The following ANKS1B variants were observed in gnomAD, a reference collection of about 807,000 sequenced individuals.
ANKS1B encodes ankyrin repeat and sterile alpha motif domain containing 1B, also known as ankyrin repeat and sterile alpha motif domain-containing protein 1B.
A neutral mutation model predicts 148.3 loss-of-function variants in ANKS1B; 36 were observed. The observed-to-expected ratio is 0.24, with a 90% CI of 0.19 to 0.32. The LOEUF is 0.32. Ranked by LOEUF, ANKS1B falls within the 10% of genes least tolerant of loss-of-function variation. The pLI, the probability that ANKS1B is intolerant of heterozygous loss-of-function variation, is 1.00. For missense variants in ANKS1B, 1,157 were observed against 1,542.6 expected, an observed-to-expected ratio of 0.75 and a Z score of 4.19; for synonymous variants, 542 against 560.8, an observed-to-expected ratio of 0.97 and a Z score of 0.47.
intron 8 of ANKS1B, among the ~76,000 whole-genome samples, chr12:99,699,291 T>C (rs2054433020): frequency 6.6e-6 from 1 of 152,190 alleles, no homozygotes; most frequent in African/African-American, 2.4e-5. Context: ...GTTTTTTCTT[T>C]CTAAAATTGT....
intron 8 of ANKS1B, among the ~76,000 whole-genome samples, chr12:99,762,484 C>G (rs1449776622): frequency 6.6e-6 from 1 of 151,482 alleles, no homozygotes; most frequent in African/African-American, 2.4e-5. Context: ...TAGCCATACG[C>G]AGAATGAAAC....
intron 1 of ANKS1B, among the ~76,000 whole-genome samples, chr12:99,898,045 C>CACAAT (rs1197875148): frequency 2.0e-5 from 3 of 152,010 alleles, no homozygotes; most frequent in African/African-American, 7.2e-5. Context: ...TATTAAATAG[C>CACAAT]AACACATATA....
chr12:99,316,671 T>C (rs867649623), intron 12 of ANKS1B, among the ~76,000 whole-genome samples: 8 of 152,184 alleles, frequency 5.3e-5, no homozygotes, highest in African/African-American at 1.4e-4. Flanking sequence ...CTCTTTAGTT[T>C]AATTAGATCC....
At chr12:99,400,793 A>T (rs1034353825) in intron 11 of ANKS1B, among the ~76,000 whole-genome samples, 1 of 145,070 alleles carries the variant, frequency 6.9e-6, no homozygotes, top group Non-Finnish European at 1.5e-5. Flanking sequence ...ACTTTCTCCA[A>T]AGTACAATTA....
chr12:99,508,110 T>C (rs988170053), intron 9 of ANKS1B, among the ~76,000 whole-genome samples: 2 of 151,926 alleles, frequency 1.3e-5, no homozygotes, highest in Non-Finnish European at 2.9e-5. Flanking sequence ...TTCTGTGATT[T>C]TTCTCAATCA....
chr12:98,743,953 C>G (rs1486811087), downstream of ANKS1B: 1 of 963,124 alleles, frequency 1.0e-6, no homozygotes, highest in Non-Finnish European at 1.2e-6. Context: ...AAGGTGCTCA[C>G]AGAACGATGC....
intron 17 of ANKS1B, among the ~76,000 whole-genome samples, chr12:98,849,766 C>T (rs2099511695): frequency 6.6e-6 from 1 of 151,990 alleles, no homozygotes; most frequent in South Asian, 2.1e-4. Flanking sequence ...AAAGAGTAAC[C>T]CTGCTCCCAT....
intron 8 of ANKS1B, among the ~76,000 whole-genome samples, chr12:99,695,485 T>C (rs1436019564): frequency 1.3e-5 from 2 of 152,230 alleles, no homozygotes; most frequent in South Asian, 2.1e-4. Flanking sequence ...ACATTGGCTA[T>C]TGATTCTTTT....
intron 16 of ANKS1B, among the ~76,000 whole-genome samples, chr12:99,069,247 G>A (rs1194963177): frequency 6.6e-6 from 1 of 152,112 alleles, no homozygotes; most frequent in African/African-American, 2.4e-5. Context: ...CAAGGTAATT[G>A]TTACTTTATG....
intron 4 of ANKS1B, among the ~76,000 whole-genome samples, chr12:99,783,708 G>C (rs1250907040): frequency 6.6e-6 from 1 of 152,156 alleles, no homozygotes; most frequent in Non-Finnish European, 1.5e-5. Flanking sequence ...GTAACATTAT[G>C]GTTATGAGAG....
chr12:99,606,502 C>T (rs1198693539), intron 9 of ANKS1B, among the ~76,000 whole-genome samples: 1 of 151,876 alleles, frequency 6.6e-6, no homozygotes, highest in African/African-American at 2.4e-5. Context: ...TAGAGACATG[C>T]ATTTCCTCAA....
chr12:98,781,793 T>C (rs1295418233), intron 23 of ANKS1B, among the ~76,000 whole-genome samples: 1 of 152,236 alleles, frequency 6.6e-6, no homozygotes, highest in Admixed American at 6.5e-5. Flanking sequence ...CCACAAGGGA[T>C]GTAATGATGC....
chr12:99,078,728 A>C (rs2048647091), intron 16 of ANKS1B, among the ~76,000 whole-genome samples: 1 of 152,150 alleles, frequency 6.6e-6, no homozygotes, highest in South Asian at 2.1e-4. Context: ...TACCTGGCCA[A>C]CTTCTAAGAT....
At chr12:99,333,765 C>G (rs73143024) in intron 12 of ANKS1B, among the ~76,000 whole-genome samples, 1 of 151,608 alleles carries the variant, frequency 6.6e-6, no homozygotes, top group East Asian at 1.9e-4. Context: ...ATCTCCAGCC[C>G]CTTTTCTAGT....
chr12:99,796,233 G>A (rs1225157220), intron 4 of ANKS1B, among the ~76,000 whole-genome samples: 1 of 151,992 alleles, frequency 6.6e-6, no homozygotes, highest in African/African-American at 2.4e-5. Flanking sequence ...CATGTCCCAG[G>A]CAGGACAAAG....
At chr12:99,079,178 T>C (rs1022073654) in intron 16 of ANKS1B, among the ~76,000 whole-genome samples, 1 of 152,162 alleles carries the variant, frequency 6.6e-6, no homozygotes, top group Non-Finnish European at 1.5e-5. Context: ...CCAATCAACA[T>C]TGTACCTGGA....
At chr12:98,895,028 G>A in intron 17 of ANKS1B, 2 of 866,770 alleles carry the variant, frequency 2.3e-6, no homozygotes, top group Non-Finnish European at 2.8e-6. Context: ...CCCGAACGCC[G>A]TCTCCAGGGC....
At chr12:99,980,776 T>C (rs148910863) in intron 1 of ANKS1B, among the ~76,000 whole-genome samples, 192 of 152,160 alleles carry the variant, frequency 1.3e-3, no homozygotes, top group African/African-American at 4.4e-3. Context: ...TAAAGAACTA[T>C]CCTGCAGATG....
chr12:98,824,106 A>G (rs1021207071), intron 19 of ANKS1B, among the ~76,000 whole-genome samples: 8 of 152,192 alleles, frequency 5.3e-5, no homozygotes, highest in African/African-American at 1.9e-4. Flanking sequence ...TTATCTAACA[A>G]TGTTACAATA....
Sources: gnomAD v4.1 joint callset for allele counts (sites outside exome capture counted in the v4.1 genomes callset) on GRCh38, gnomAD v4.1.1 for gene constraint, MANE v1.5 for transcripts, NCBI Gene and HGNC (gene_info 2026-07-23, HGNC 2026-07-21) for gene names.